PASD1: variants seen among roughly 807,000 people sequenced by gnomAD.
PASD1 encodes the protein PAS domain containing repressor 1.
A neutral mutation model predicts 58.8 loss-of-function variants in PASD1; 13 were observed. That is an observed-to-expected ratio of 0.22 (90% CI 0.14 to 0.35). The LOEUF is 0.35. Ranked by LOEUF, PASD1 falls within the 10% of genes least tolerant of loss-of-function variation. PASD1 has a pLI of 1.00. For synonymous variants in PASD1, 236 were observed against 216.7 expected, an observed-to-expected ratio of 1.09 and a Z score of -0.78; for missense variants, 734 against 568.3, an observed-to-expected ratio of 1.29 and a Z score of -2.96.
rs190528856 is a variant in PASD1, at chrX:151,580,769, A to C, written c.-28+16930A>C. On this transcript the variant is annotated intron_variant, in intron 1 of 15. Transcript: ENST00000370357. ...ATGTTAAGTAAATTAACTTGGTTAA[A>C]AACTCTGGCTACCATAACCCTTTGT... Among the ~76,000 whole-genome samples, 24 of 110,814 alleles carry C rather than the reference A, an allele frequency of 2.2e-4. No homozygotes were observed. In the East Asian group the frequency reaches 6.8e-3, roughly 31 times the overall value.
chrX:151,663,943 T>A (rs2014341716), intron 10 of PASD1, among the ~76,000 whole-genome samples, 176 bp from the exon 11 acceptor site: 1 of 112,260 alleles, frequency 8.9e-6, no homozygotes, highest in African/African-American at 3.2e-5. Context: ...AAACACTCTC[T>A]CCCTTTTCTT....
chrX:151,649,152 G>A (rs1036969385), intron 9 of PASD1, among the ~76,000 whole-genome samples: 2 of 111,814 alleles, frequency 1.8e-5, no homozygotes, highest in South Asian at 7.6e-4. Flanking sequence ...ATCTACCTGG[G>A]TCTACCCTCA....
At chrX:151,585,337 G>T (rs1372508573) in intron 1 of PASD1, among the ~76,000 whole-genome samples, 3 of 112,204 alleles carry the variant, frequency 2.7e-5, no homozygotes, top group South Asian at 7.4e-4. Context: ...ACCTCAAAAA[G>T]ATCTGAGAAT....
chrX:151,606,847 A>G (rs940220822), intron 3 of PASD1, among the ~76,000 whole-genome samples: 3 of 111,320 alleles, frequency 2.7e-5, no homozygotes, highest in Admixed American at 9.6e-5. Flanking sequence ...TTCTGAACCT[A>G]TGTGTTTGGG....
intron 8 of PASD1, among the ~76,000 whole-genome samples, chrX:151,642,626 A>G (rs1267329639): frequency 2.7e-5 from 3 of 112,246 alleles, no homozygotes; most frequent in African/African-American, 9.7e-5. Context: ...ATGATTTAGC[A>G]TGTTTTCAGA....
chrX:151,619,572 G>A (rs777429452), intron 4 of PASD1, among the ~76,000 whole-genome samples: 58 of 111,528 alleles, frequency 5.2e-4, no homozygotes, highest in Non-Finnish European at 8.7e-4. Flanking sequence ...ATCCTCATGT[G>A]TGTGGTGTCC....
At chrX:151,650,808 A>G (rs757028429) in intron 9 of PASD1, among the ~76,000 whole-genome samples, 2 of 111,947 alleles carry the variant, frequency 1.8e-5, no homozygotes, top group South Asian at 7.6e-4. Flanking sequence ...AGCTTACTAC[A>G]TAGCAAGTTT....
At chrX:151,581,968 CT>C (rs1310229486) in intron 1 of PASD1, among the ~76,000 whole-genome samples, 91 of 84,520 alleles carry the variant, frequency 1.1e-3, no homozygotes, top group East Asian at 6.8e-3. Context: ...GTCCTTGAAT[CT>C]TTTTTTTTTC....
At chrX:151,568,603 A>G (rs974272924) in intron 1 of PASD1, among the ~76,000 whole-genome samples, 1 of 112,090 alleles carries the variant, frequency 8.9e-6, no homozygotes, top group African/African-American at 3.2e-5. Context: ...TATGCACACA[A>G]TGTTCCAAGA....
rs1436731853 is a variant in PASD1 at position 151,672,241 on chromosome X, A to T, written c.1496A>T (p.Gln499Leu). 1 of 1,165,215 alleles carries T rather than the reference A, an allele frequency of 8.6e-7. No individual in the cohort carries two copies. The highest frequency in any genetic ancestry group is 1.9e-5 in the South Asian group (1 of 52,246). ...LKEQQRQLRE[Q>L]LQQLREQRKV... ...GAGCAGCAGCGGCAGCTGCGGGAGC[A>T]GCTGCAACAGCTGAGAGAGCAAAGG... is the stretch of plus-strand genomic sequence containing the variant. Residue 499 changes from glutamine to leucine, a missense_variant, in exon 14 of 16, where the codon CAG becomes CTG. Physicochemically the swap from Gln to Leu is moderately radical, Grantham distance 113 (BLOSUM62 -2). Transcript: ENST00000370357.
rs192349345 is a variant in PASD1, at chrX:151,632,207, G to T, written c.629+6677G>T. Among the ~76,000 whole-genome samples, 10 of 110,769 alleles carry T rather than the reference G, an allele frequency of 9.0e-5. No homozygotes were observed. The East Asian group carries it at 2.9e-3, about 32-fold the overall frequency. On this transcript the variant is annotated intron_variant, in intron 8 of 15. Transcript: ENST00000370357. Reference sequence around the variant, plus strand: ...TAGATTTTGAAATGGCATTTTATAGGTTAAAAATGGAGTAATATTGGCAAT... The same window carrying T: ...TAGATTTTGAAATGGCATTTTATAGTTTAAAAATGGAGTAATATTGGCAAT...
chrX:151,634,936 T>G (rs1206821968), intron 8 of PASD1, among the ~76,000 whole-genome samples: 5 of 112,122 alleles, frequency 4.5e-5, no homozygotes, highest in Non-Finnish European at 9.4e-5. Flanking sequence ...CTAGTCTTAG[T>G]ACCTGTTGAT....
chrX:151,607,959 T>C (rs1353853281), intron 3 of PASD1, among the ~76,000 whole-genome samples: 1 of 111,667 alleles, frequency 9.0e-6, no homozygotes, highest in East Asian at 2.8e-4. Context: ...GGTATAGCTG[T>C]AGGTTTTTGT....
At chrX:151,604,933 G>A (rs1424363001) in intron 3 of PASD1, among the ~76,000 whole-genome samples, 199 bp downstream of exon 3, 1 of 112,055 alleles carries the variant, frequency 8.9e-6, no homozygotes, top group Non-Finnish European at 1.9e-5. Context: ...CTCCCTGGAT[G>A]CTTCCTATGC....
intron 3 of PASD1, among the ~76,000 whole-genome samples, chrX:151,605,827 C>T (rs1002417911): frequency 9.0e-6 from 1 of 111,482 alleles, no homozygotes. Context: ...TGGGCTCAAG[C>T]GATCCACCTT....
intron 8 of PASD1, among the ~76,000 whole-genome samples, chrX:151,637,370 G>T (rs2013943274): frequency 9.0e-6 from 1 of 111,380 alleles, no homozygotes; most frequent in Non-Finnish European, 1.9e-5. Flanking sequence ...GTTTTTGTTT[G>T]TTTTTTGTTT....
chrX:151,670,843 C>A (rs1000160350), intron 11 of PASD1, among the ~76,000 whole-genome samples, 195 bp from the exon 12 acceptor site: 1 of 112,233 alleles, frequency 8.9e-6, no homozygotes, highest in African/African-American at 3.2e-5. Flanking sequence ...AAATGATCTC[C>A]GTGGTCCATT....
At position 151,672,784 on chromosome X, in the gene PASD1, T is replaced by C. The variant is rs890335970; in HGVS notation, c.1916+123T>C. 2.6e-5 allele frequency: 28 copies of C among 1,070,303 alleles called. No homozygotes were observed. The Admixed American group carries it at 7.0e-4, about 27-fold the overall frequency. 88.2% of individuals were successfully genotyped at this position (1,070,303 alleles called of 1,213,427 possible). A position where few individuals can be genotyped will look rare whatever the true frequency, so the allele number is the denominator to read the frequency against. On this transcript the variant is annotated intron_variant, in intron 14 of 15. Coordinates refer to ENST00000370357, the MANE Select transcript of PASD1 (RefSeq NM_173493.3). ...GTGGCACCAGCGTCCCTCTCATCAA[T>C]AGCAACTTGCTCTCAACTTGCCTTC... is the stretch of plus-strand genomic sequence containing the variant.
At chrX:151,615,379 A>G (rs2013625344) in intron 4 of PASD1, among the ~76,000 whole-genome samples, 1 of 111,482 alleles carries the variant, frequency 9.0e-6, no homozygotes, top group South Asian at 3.8e-4. Context: ...GCCTTAAACA[A>G]TAGACTTGAT....
Sources: allele counts gnomAD v4.1 joint callset (sites outside exome capture counted in the v4.1 genomes callset), GRCh38; gene constraint gnomAD v4.1.1; transcripts MANE v1.5; gene names NCBI Gene and HGNC (gene_info 2026-07-23, HGNC 2026-07-21).